SGCD: variants seen among roughly 807,000 people sequenced by gnomAD.
SGCD encodes the protein delta-sarcoglycan.
Under a neutral mutation model 36.6 loss-of-function variants are expected in SGCD, and 18 were observed. That is an observed-to-expected ratio of 0.49 (90% CI 0.34 to 0.73). The LOEUF (loss-of-function observed/expected upper bound fraction) is 0.73, where lower values mean the gene tolerates loss of function less well. Ranked by LOEUF, SGCD falls within the 30% of genes least tolerant of loss-of-function variation. The pLI is 0.01. For synonymous variants in SGCD, 133 were observed against 130.6 expected, an observed-to-expected ratio of 1.02 and a Z score of -0.12; for missense variants, 387 against 346.7, an observed-to-expected ratio of 1.12 and a Z score of -0.92.
intron 3 of SGCD, among the ~76,000 whole-genome samples, chr5:156,353,916 T>G (rs1032800321): frequency 6.6e-6 from 1 of 152,236 alleles, no homozygotes; most frequent in Non-Finnish European, 1.5e-5. Context: ...GCATCAGGGA[T>G]GATTTGGGTA....
intron 1 of SGCD, among the ~76,000 whole-genome samples, chr5:155,896,642 T>G (rs1756267580): frequency 7.2e-6 from 1 of 138,866 alleles, no homozygotes; most frequent in African/African-American, 2.7e-5. Flanking sequence ...AGAGACCGTG[T>G]CTCAAAAAAA....
chr5:156,103,723 A>C (rs915100346), intron 1 of SGCD, among the ~76,000 whole-genome samples: 1 of 152,142 alleles, frequency 6.6e-6, no homozygotes, highest in Non-Finnish European at 1.5e-5. Context: ...ATGATGATAT[A>C]TTAGATTTAG....
At chr5:156,199,145 TAG>T (rs1478993082) in intron 3 of SGCD, among the ~76,000 whole-genome samples, 11 of 152,268 alleles carry the variant, frequency 7.2e-5, no homozygotes, top group Admixed American at 3.9e-4. Context: ...CTTCTGCCTG[TAG>T]AGTCTGTACA....
intron 3 of SGCD, among the ~76,000 whole-genome samples, chr5:156,311,737 CT>C (rs1032659150): frequency 2.0e-5 from 3 of 152,050 alleles, no homozygotes; most frequent in Admixed American, 2.0e-4. Flanking sequence ...GTTGAAAAAT[CT>C]TTTTTTCTTT....
intron 3 of SGCD, among the ~76,000 whole-genome samples, chr5:156,172,724 C>T (rs1440263099): frequency 6.6e-6 from 1 of 151,264 alleles, no homozygotes; most frequent in African/African-American, 2.4e-5. Flanking sequence ...AATAATCCTG[C>T]CAGCTCCTGA....
intron 4 of SGCD, among the ~76,000 whole-genome samples, chr5:156,520,254 CT>C (rs1203563091): frequency 6.7e-6 from 1 of 148,790 alleles, no homozygotes; most frequent in Admixed American, 6.7e-5. Flanking sequence ...CATGAATGAA[CT>C]CCCATTTACA....
At chr5:155,794,198 A>T in the SGCD span, among the ~76,000 whole-genome samples, 1 of 152,152 alleles carries the variant, frequency 6.6e-6, no homozygotes, top group African/African-American at 2.4e-5. Context: ...GTCTCTGGTA[A>T]TCACCTCGAA....
intron 1 of SGCD, among the ~76,000 whole-genome samples, chr5:155,983,528 G>C (rs530965144): frequency 6.6e-6 from 1 of 152,262 alleles, no homozygotes; most frequent in South Asian, 2.1e-4. Context: ...TCTAACTCCT[G>C]ACCTCAGATG....
At chr5:156,387,565 T>C (rs1771338815) in intron 3 of SGCD, among the ~76,000 whole-genome samples, 1 of 152,218 alleles carries the variant, frequency 6.6e-6, no homozygotes, top group African/African-American at 2.4e-5. Context: ...AGGGCCCAGC[T>C]GAAGGCAAAA....
chr5:155,969,928 C>CT (rs1243373394), intron 1 of SGCD, among the ~76,000 whole-genome samples: 2 of 150,360 alleles, frequency 1.3e-5, no homozygotes, highest in African/African-American at 2.5e-5. Flanking sequence ...AAACTCTTTG[C>CT]TTTTTTTTTC....
chr5:156,026,536 A>C (rs1759229407), intron 1 of SGCD, among the ~76,000 whole-genome samples: 1 of 152,226 alleles, frequency 6.6e-6, no homozygotes, highest in Non-Finnish European at 1.5e-5. Context: ...CAATTATACA[A>C]GTCCATCTTT....
At chr5:156,339,217 T>C (rs1458134046) in intron 2 of SGCD, among the ~76,000 whole-genome samples, 1 of 152,220 alleles carries the variant, frequency 6.6e-6, no homozygotes, top group Non-Finnish European at 1.5e-5. Flanking sequence ...CAACAGAAAG[T>C]TTTACTGTAT....
intron 3 of SGCD, among the ~76,000 whole-genome samples, chr5:156,159,935 C>G (rs1354256576): frequency 6.6e-6 from 1 of 151,412 alleles, no homozygotes; most frequent in Non-Finnish European, 1.5e-5. Context: ...TCAAGAAAAG[C>G]TGACATATTT....
chr5:156,236,493 A>T (rs1286655693), intron 3 of SGCD, among the ~76,000 whole-genome samples: 2 of 147,298 alleles, frequency 1.4e-5, no homozygotes, highest in East Asian at 4.1e-4. Flanking sequence ...TCTGTCACCC[A>T]GGCTGGAGTG....
chr5:156,057,877 A>T (rs1760101122), intron 1 of SGCD, among the ~76,000 whole-genome samples: 1 of 146,422 alleles, frequency 6.8e-6, no homozygotes, highest in Non-Finnish European at 1.5e-5. Context: ...GATTGGGAAC[A>T]AATTATCTTG....
intron 6 of SGCD, among the ~76,000 whole-genome samples, chr5:156,601,958 G>A (rs1382687047): frequency 6.6e-6 from 1 of 152,182 alleles, no homozygotes; most frequent in Non-Finnish European, 1.5e-5. Flanking sequence ...TGGGATTGCA[G>A]GTGTGAGCCA....
At chr5:156,430,654 CTA>C (rs901073443) in intron 3 of SGCD, among the ~76,000 whole-genome samples, 1 of 151,908 alleles carries the variant, frequency 6.6e-6, no homozygotes, top group African/African-American at 2.4e-5. Context: ...TTTGTTTGGA[CTA>C]TGTTTTTTTT....
intron 3 of SGCD, among the ~76,000 whole-genome samples, chr5:156,248,804 A>T (rs1043967226): frequency 5.9e-5 from 9 of 152,214 alleles, no homozygotes; most frequent in African/African-American, 2.2e-4. Context: ...AACACGGATG[A>T]TAGCAATTGA....
At chr5:156,700,445 G>A (rs960553156) in intron 7 of SGCD, among the ~76,000 whole-genome samples, 3 of 152,096 alleles carry the variant, frequency 2.0e-5, no homozygotes, top group African/African-American at 7.2e-5. Flanking sequence ...CTACCTGTGT[G>A]ACTACCATCT....
Sources: gnomAD v4.1 joint callset for allele counts (sites outside exome capture counted in the v4.1 genomes callset) on GRCh38, gnomAD v4.1.1 for gene constraint, MANE v1.5 for transcripts, NCBI Gene and HGNC (gene_info 2026-07-23, HGNC 2026-07-21) for gene names.